ZSCAN20: variants seen among roughly 807,000 people sequenced by gnomAD.
ZSCAN20 encodes zinc finger and SCAN domain containing 20, also known as zinc finger and SCAN domain-containing protein 20.
Under a neutral mutation model 97.1 loss-of-function variants are expected in ZSCAN20, and 39 were observed. The ratio of observed to expected loss-of-function variants is 0.40; its 90% CI spans 0.31 to 0.52. The LOEUF (loss-of-function observed/expected upper bound fraction) is 0.52, where lower values mean the gene tolerates loss of function less well. Among genes scored for constraint, ZSCAN20 ranks in the 20% least tolerant of loss-of-function variants. The pLI is 0.49. For missense variants in ZSCAN20, 1,115 were observed against 1,290.4 expected (o/e 0.86, Z 2.08); for synonymous variants, 456 against 467.3 (o/e 0.98, Z 0.31).
At chr1:33,484,372 T>C (rs907940869) in intron 2 of ZSCAN20, among the ~76,000 whole-genome samples, 3 of 152,220 alleles carry the variant, frequency 2.0e-5, no homozygotes, top group African/African-American at 7.2e-5. Context: ...CCTCTATTCC[T>C]AGTTTGCCAA....
At position 33,494,942 on chromosome 1, in the gene ZSCAN20, C is replaced by A; in HGVS notation, c.2598C>A (p.His866Gln). Reference protein sequence around the residue: ...ISKDLNSPGPHSTNSGEKLYE... With the variant: ...ISKDLNSPGPQSTNSGEKLYE... Reference sequence around the variant, plus strand: ...AGGACTTGAATTCTCCTGGACCACACAGCACAAACTCAGGGGAGAAACTTT... The same window carrying A: ...AGGACTTGAATTCTCCTGGACCACAAAGCACAAACTCAGGGGAGAAACTTT... The change falls in exon 8 of 8, where the codon CAC becomes CAA. Residue 866 changes from histidine to glutamine, a missense_variant. His to Gln is a conservative substitution (Grantham distance 24, BLOSUM62 0). This residue lies in a region of ZSCAN20 where 554 missense variants were observed against 584.9 expected (regional missense o/e 0.95). Transcript: ENST00000684572. 2 of 1,614,184 alleles carry A rather than the reference C, an allele frequency of 1.2e-6. No homozygotes were observed. Among genetic ancestry groups the A allele is most frequent in the Non-Finnish European group, 1.7e-6 (2 of 1,180,036 alleles).
chr1:33,474,821 G>A (rs1651859495), intron 1 of ZSCAN20, among the ~76,000 whole-genome samples: 1 of 152,208 alleles, frequency 6.6e-6, no homozygotes, highest in Non-Finnish European at 1.5e-5. Context: ...TGGCTGTAGT[G>A]CCCACCCAGT....
chr1:33,482,035 ACAT>A (rs1477280885), intron 2 of ZSCAN20, among the ~76,000 whole-genome samples: 2 of 152,236 alleles, frequency 1.3e-5, no homozygotes, highest in African/African-American at 4.8e-5. Context: ...CTACAGTGAT[ACAT>A]CATTATCATC....
chr1:33,493,675 GC>G lies in ZSCAN20; in HGVS notation c.1873+62del. On this transcript the variant is annotated intron_variant, in intron 7 of 7. Transcript: ENST00000684572. The surrounding 1 kb of genome is among the most constrained non-coding windows in gnomAD (Gnocchi z 4.3). ...GTGGGCATGTGGAGAGAATGAGGAA[GC>G]CAGGCTCATTATCTTTTGTCTCTTA... The G allele has an allele frequency of 6.8e-7, 1 of 1,477,782 alleles. No homozygotes were observed. The allele number at this position is 1,477,782 out of a possible 1,614,324, so 91.5% of individuals were successfully genotyped here. A position where few individuals can be genotyped will look rare whatever the true frequency, so the allele number is the denominator to read the frequency against.
intron 4 of ZSCAN20, 31 bp from the exon 5 acceptor site, chr1:33,489,487 G>T (rs767750624): frequency 3.1e-6 from 5 of 1,611,564 alleles, no homozygotes; most frequent in Non-Finnish European, 4.2e-6. Context: ...GGTCAGTGAT[G>T]TTTGGGGTCC....
chr1:33,483,386 T>C (rs1652229105), intron 2 of ZSCAN20, among the ~76,000 whole-genome samples: 1 of 152,178 alleles, frequency 6.6e-6, no homozygotes, highest in South Asian at 2.1e-4. Flanking sequence ...CTGGGGTCTC[T>C]ATTCTGTTCC....
chr1:33,491,976 A>G lies in ZSCAN20; in HGVS notation c.1444+274A>G. The G allele has an allele frequency of 3.0e-6, 1 of 337,438 alleles. No homozygotes were observed. Among genetic ancestry groups the G allele is most frequent in the East Asian group, 4.7e-5 (1 of 21,278 alleles). The allele number at this position is 337,438 out of a possible 1,614,324, so 20.9% of individuals were successfully genotyped here. ...TTTCCAAAAGTGTGTCACTGGTAGT[A>G]TGGGATGATCATCGACGTTACATGA... is the stretch of plus-strand genomic sequence containing the variant. On this transcript the variant is annotated intron_variant, in intron 6 of 7. Coordinates refer to ENST00000684572, the MANE Select transcript of ZSCAN20 (RefSeq NM_001377376.1). The surrounding 1 kb of genome is among the most constrained non-coding windows in gnomAD (Gnocchi z 4.3).
At position 33,498,205 on chromosome 1, in the gene ZSCAN20, T is replaced by C. The variant is rs554743518; in HGVS notation, c.*2729T>C. Among the ~76,000 whole-genome samples, 1 of 152,294 alleles carries C rather than the reference T, an allele frequency of 6.6e-6. No homozygotes were observed. The highest frequency in any genetic ancestry group is 2.1e-4 in the South Asian group (1 of 4,818). On this transcript the variant is annotated 3_prime_UTR_variant, in exon 8 of 8. Transcript: ENST00000684572. ...CCTGAGTTTTCTGGAGCCCTCACTGTGGAAGTCAAGCTGAGCTCTGTGTGG... is the reference window on the plus strand; with the variant it reads ...CCTGAGTTTTCTGGAGCCCTCACTGCGGAAGTCAAGCTGAGCTCTGTGTGG...
Position 33,479,413 on chromosome 1 carries a change from G to A in ZSCAN20, c.125G>A (p.Gly42Asp), listed in dbSNP as rs2148449204. The A allele has an allele frequency of 6.2e-7, 1 of 1,614,226 alleles. No homozygotes were observed. The highest frequency in any genetic ancestry group is 8.5e-7 in the Non-Finnish European group (1 of 1,180,024). Reference sequence around the variant, plus strand: ...TCCAAACTCTGGGAGAAGGACCGTGGCTCTGTCTCTGGCCCAGAGGCCTCC... The same window carrying A: ...TCCAAACTCTGGGAGAAGGACCGTGACTCTGTCTCTGGCCCAGAGGCCTCC... Reference protein sequence around the residue: ...SESKLWEKDRGSVSGPEASRQ... With the variant: ...SESKLWEKDRDSVSGPEASRQ... The change falls in exon 2 of 8, where the codon GGC becomes GAC. Residue 42 changes from glycine (G) to aspartate (D), a missense_variant. Transcript: ENST00000684572.
rs980579955 is a variant in ZSCAN20 at position 33,488,457 on chromosome 1, G to C, written c.418-8G>C. 1 of 1,609,640 alleles carries C rather than the reference G, an allele frequency of 6.2e-7. No individual in the cohort carries two copies. Among genetic ancestry groups the C allele is most frequent in the Non-Finnish European group, 8.5e-7 (1 of 1,178,778 alleles). The stretch of plus-strand genomic sequence containing the variant: ...TGTTGATTGGGAATTTTGACTATTT[G>C]TGTGTAGGGACTGGAATTGCATACA... On this transcript the variant is annotated splice_region_variant and splice_polypyrimidine_tract_variant and intron_variant, in intron 2 of 7. Coordinates refer to ENST00000684572, the MANE Select transcript of ZSCAN20 (RefSeq NM_001377376.1).
In ZSCAN20 at chr1:33,500,685, T is replaced by G. The variant is rs1325047006; in HGVS notation, c.*5209T>G. Among the ~76,000 whole-genome samples, 8 of 151,838 alleles carry G rather than the reference T, an allele frequency of 5.3e-5. No individual in the cohort carries two copies. Among genetic ancestry groups the G allele is most frequent in the Admixed American group, 5.2e-4 (8 of 15,240 alleles). ...TCACTTTTTTTTTTTTTTTTACATT[T>G]TCATTGTAGAAAAATATCCCATAAA... On this transcript the variant is annotated 3_prime_UTR_variant, in exon 8 of 8. Coordinates refer to ENST00000684572, the MANE Select transcript of ZSCAN20 (RefSeq NM_001377376.1).
rs368464726 is a variant in ZSCAN20, at chr1:33,495,302, G to A, written c.2958G>A (p.Pro986=). 8.1e-6 allele frequency: 13 copies of A among 1,612,110 alleles called. No individual in the cohort carries two copies. The highest frequency in any genetic ancestry group is 5.3e-5 in the African/African-American group (4 of 74,840). Residue 986 remains proline (P), a synonymous_variant, in exon 8 of 8, where the codon CCG becomes CCA. Transcript: ENST00000684572. ...THQRIHTGEK[P]YKCRECGKCF... is the part of the protein sequence containing the mutation. Reference sequence around the variant, plus strand: ...AGAGGATTCATACGGGAGAGAAGCCGTATAAGTGCAGAGAGTGTGGGAAAT... The same window carrying A: ...AGAGGATTCATACGGGAGAGAAGCCATATAAGTGCAGAGAGTGTGGGAAAT...
chr1:33,491,739 A>T lies in ZSCAN20; in HGVS notation c.1444+37A>T. ...GGGGTTTAGTCAGATTCAGATTTCC[A>T]ACCCTCCTACCAGCTAGACTGCTAT... On this transcript the variant is annotated intron_variant, in intron 6 of 7. Transcript: ENST00000684572. This position sits in a 1 kb window ranked among gnomAD's most constrained non-coding sequence, Gnocchi z 4.3. 2 of 1,526,820 alleles carry T rather than the reference A, an allele frequency of 1.3e-6. No individual in the cohort carries two copies. Among genetic ancestry groups the T allele is most frequent in the South Asian group, 2.6e-5 (2 of 75,856 alleles). 94.6% of individuals were successfully genotyped at this position (1,526,820 alleles called of 1,614,324 possible).
intron 2 of ZSCAN20, among the ~76,000 whole-genome samples, chr1:33,486,351 G>A (rs998145581): frequency 2.6e-5 from 4 of 152,146 alleles, no homozygotes; most frequent in African/African-American, 9.7e-5. Flanking sequence ...TTCTCCCCTG[G>A]AACTGGTTCC....
Position 33,491,475 on chromosome 1 carries a change from A to C in ZSCAN20, c.1217A>C (p.Glu406Ala). 6.2e-7 allele frequency: 1 copy of C among 1,614,140 alleles called. No homozygotes were observed. Among genetic ancestry groups the C allele is most frequent in the Non-Finnish European group, 8.5e-7 (1 of 1,180,000 alleles). Reference sequence around the variant, plus strand: ...ACCTGCCCCTTCTATGAGGAGCTGGAGGCCCTGGTCAGGGCTCGGACAGCC... The same window carrying C: ...ACCTGCCCCTTCTATGAGGAGCTGGCGGCCCTGGTCAGGGCTCGGACAGCC... ...PGTCPFYEEL[E>A]ALVRARTAIR... The change falls in exon 6 of 8, where the codon GAG becomes GCG. Residue 406 changes from glutamate (E) to alanine (A), a missense_variant. Coordinates refer to ENST00000684572, the MANE Select transcript of ZSCAN20 (RefSeq NM_001377376.1). This position sits in a 1 kb window ranked among gnomAD's most constrained non-coding sequence, Gnocchi z 4.3.
In ZSCAN20 at chr1:33,495,187, C is replaced by T; in HGVS notation, c.2843C>T (p.Thr948Ile). The change falls in exon 8 of 8, where the codon ACA (threonine) becomes ATA (isoleucine). Residue 948 changes from threonine (T) to isoleucine (I), a missense_variant. Around this residue, in one of 3 missense-constraint regions of ZSCAN20, gnomAD observed 554 missense variants for 584.9 expected, o/e 0.95. Transcript: ENST00000684572. ...TTCAGTGAGCGCTCCAAGCTCATCA[C>T]ACACCAGAGAGTGCACACAGGAGAG... ...KCFSERSKLI[T>I]HQRVHTGEKP... 2 of 1,614,042 alleles carry T rather than the reference C, an allele frequency of 1.2e-6. No individual in the cohort carries two copies. The highest frequency in any genetic ancestry group is 1.6e-4 in the Middle Eastern group (1 of 6,062).
At chr1:33,477,058 T>TTTG (rs1226066838) in intron 1 of ZSCAN20, among the ~76,000 whole-genome samples, 1 of 152,190 alleles carries the variant, frequency 6.6e-6, no homozygotes, top group Non-Finnish European at 1.5e-5. Context: ...GTAACTACAA[T>TTTG]AGTGTAGGAT....
rs546388149 is a variant in ZSCAN20, at chr1:33,477,518, C to T, written c.-110-1661C>T. Among the ~76,000 whole-genome samples, 6 of 151,956 alleles carry T rather than the reference C, an allele frequency of 3.9e-5. No individual in the cohort carries two copies. In the South Asian group the frequency reaches 1.2e-3, roughly 32 times the overall value. On this transcript the variant is annotated intron_variant, in intron 1 of 7. Coordinates refer to ENST00000684572, the MANE Select transcript of ZSCAN20 (RefSeq NM_001377376.1). ...GTGCCATCAGAGAGGCTGTAATCTC[C>T]TCTGGGACACACATAGATACGCACA...
chr1:33,495,172 G>A lies in ZSCAN20; in HGVS notation c.2828G>A (p.Arg943His), dbSNP rs751297113. The A allele has an allele frequency of 7.4e-6, 12 of 1,613,694 alleles. No individual in the cohort carries two copies. The highest frequency in any genetic ancestry group is 1.6e-4 in the Middle Eastern group (1 of 6,084). Reference protein sequence around the residue: ...CVDCGKCFSERSKLITHQRVH... With the variant: ...CVDCGKCFSEHSKLITHQRVH... ...GACTGTGGGAAGTGCTTCAGTGAGC[G>A]CTCCAAGCTCATCACACACCAGAGA... Residue 943 changes from arginine to histidine, a missense_variant, in exon 8 of 8, where the codon CGC becomes CAC. Transcript: ENST00000684572.
Sources: gnomAD v4.1 joint callset for allele counts (sites outside exome capture counted in the v4.1 genomes callset) on GRCh38, gnomAD v4.1.1 for gene constraint, gnomAD v4.1.1 regional missense constraint, Gnocchi (gnomAD v3.1) non-coding constraint, MANE v1.5 for transcripts, NCBI Gene and HGNC (gene_info 2026-07-23, HGNC 2026-07-21) for gene names.